The following GRM8 variants were observed in gnomAD, a reference collection of about 807,000 sequenced individuals.
GRM8 encodes the protein metabotropic glutamate receptor 8.
A neutral mutation model predicts 87.2 loss-of-function variants in GRM8; 47 were observed. The observed-to-expected ratio is 0.54, with a 90% CI of 0.43 to 0.69. The LOEUF (loss-of-function observed/expected upper bound fraction) is 0.69, where lower values mean the gene tolerates loss of function less well. Among genes scored for constraint, GRM8 ranks in the 30% least tolerant of loss-of-function variants. The probability of loss-of-function intolerance (pLI) is 0.00; values close to 1 mark genes in which losing one functional copy is unlikely to be tolerated. For synonymous variants in GRM8, 396 were observed against 404.5 expected, an observed-to-expected ratio of 0.98 and a Z score of 0.25; for missense variants, 1,019 against 1,139.2, an observed-to-expected ratio of 0.89 and a Z score of 1.52.
At chr7:126,808,775 T>C (rs1275063277) in intron 6 of GRM8, among the ~76,000 whole-genome samples, 1 of 152,180 alleles carries the variant, frequency 6.6e-6, no homozygotes, top group Non-Finnish European at 1.5e-5. Flanking sequence ...AGAAGAACTA[T>C]TTCTTGAGGT....
chr7:126,887,296 C>A (rs1022669793), intron 6 of GRM8, among the ~76,000 whole-genome samples: 5 of 152,048 alleles, frequency 3.3e-5, no homozygotes, highest in African/African-American at 1.2e-4. Flanking sequence ...CTCGAGGTGT[C>A]TTTGTAGTGA....
intron 7 of GRM8, among the ~76,000 whole-genome samples, chr7:126,720,328 T>C (rs964001442): frequency 6.6e-6 from 1 of 151,860 alleles, no homozygotes; most frequent in Admixed American, 6.6e-5. Context: ...TTTTTTTTTG[T>C]AGAGACAGGG....
intron 6 of GRM8, among the ~76,000 whole-genome samples, chr7:126,844,168 T>C (rs1397053422): frequency 6.6e-6 from 1 of 152,164 alleles, no homozygotes; most frequent in Non-Finnish European, 1.5e-5. Flanking sequence ...GCATTAAGCA[T>C]TTATAGAACA....
intron 7 of GRM8, among the ~76,000 whole-genome samples, chr7:126,704,358 G>A (rs1228066331): frequency 6.6e-6 from 1 of 152,012 alleles, no homozygotes; most frequent in Non-Finnish European, 1.5e-5. Flanking sequence ...TTCATAAATT[G>A]AGGAGGATGT....
chr7:126,799,460 C>T (rs1822393366), intron 6 of GRM8, among the ~76,000 whole-genome samples: 1 of 152,088 alleles, frequency 6.6e-6, no homozygotes, highest in African/African-American at 2.4e-5. Context: ...TTAAAATACA[C>T]TAACAATAAT....
chr7:127,097,470 A>G (rs1824776001), intron 3 of GRM8, among the ~76,000 whole-genome samples: 1 of 152,232 alleles, frequency 6.6e-6, no homozygotes, highest in South Asian at 2.1e-4. Context: ...TTAGCCACAT[A>G]TAGTTAAGAT....
intron 7 of GRM8, among the ~76,000 whole-genome samples, chr7:126,664,357 AGG>A (rs965990506): frequency 1.3e-5 from 2 of 152,120 alleles, no homozygotes; most frequent in Non-Finnish European, 2.9e-5. Flanking sequence ...GAACAAAGCC[AGG>A]GGCATTGCAT....
At chr7:126,627,616 A>AT in intron 7 of GRM8, among the ~76,000 whole-genome samples, 2 of 151,762 alleles carry the variant, frequency 1.3e-5, no homozygotes, top group African/African-American at 2.4e-5. Flanking sequence ...ACACCTTTGC[A>AT]TTTTTTTTAA....
chr7:126,585,040 A>G (rs1215639221), intron 8 of GRM8, among the ~76,000 whole-genome samples: 1 of 152,180 alleles, frequency 6.6e-6, no homozygotes, highest in Admixed American at 6.5e-5. Context: ...GAATTCTTAA[A>G]CACTGTGAAT....
rs189822460 is a variant in GRM8, at chr7:126,837,777, C to T, written c.1156+64765G>A. On this transcript the variant is annotated intron_variant, in intron 6 of 10. Coordinates refer to ENST00000339582, the MANE Select transcript of GRM8 (RefSeq NM_000845.3). ...CCTGGATATTTTAGGGATTTGACTC[C>T]TGTCAGGTATTGCAACAAAGTCAAG... is the stretch of plus-strand genomic sequence containing the variant. 5.9e-3 allele frequency among the ~76,000 whole-genome samples: 902 copies of T among 152,336 alleles called. 4 individuals carry two copies. Among genetic ancestry groups the T allele is most frequent in the Non-Finnish European group, 7.3e-3 (496 of 68,022 alleles).
intron 3 of GRM8, among the ~76,000 whole-genome samples, chr7:126,905,262 T>C (rs1006871059): frequency 6.6e-5 from 10 of 152,192 alleles, no homozygotes; most frequent in Non-Finnish European, 1.5e-5. Context: ...TGGATTGACA[T>C]ACATCGCCAC....
intron 2 of GRM8, among the ~76,000 whole-genome samples, chr7:127,183,227 A>C (rs1436989578): frequency 6.6e-6 from 1 of 151,894 alleles, no homozygotes; most frequent in African/African-American, 2.4e-5. Flanking sequence ...ACAAAGACAT[A>C]ATAATCCTTA....
At chr7:126,597,775 T>G (rs1240142921) in intron 8 of GRM8, among the ~76,000 whole-genome samples, 1 of 152,068 alleles carries the variant, frequency 6.6e-6, no homozygotes. Flanking sequence ...ACCACTATCT[T>G]TGAACTTTTT....
At chr7:126,697,429 C>T (rs931765449) in intron 7 of GRM8, among the ~76,000 whole-genome samples, 2 of 152,026 alleles carry the variant, frequency 1.3e-5, no homozygotes, top group African/African-American at 4.8e-5. Flanking sequence ...AAGGTAATTA[C>T]GTGACATGAT....
intron 7 of GRM8, among the ~76,000 whole-genome samples, chr7:126,666,317 T>C: frequency 6.6e-6 from 1 of 152,176 alleles, no homozygotes; most frequent in Admixed American, 6.5e-5. Context: ...GATATTGAGA[T>C]GACAGAGTCA....
rs111835382 is a variant in GRM8 at position 127,113,440 on chromosome 7, C to T, written c.511-6728G>A. ...AGAAGACAATTTAAGACCTGAATCACGTATATTTTCACCATGAAAAAGGGT... is the reference window on the plus strand; with the variant it reads ...AGAAGACAATTTAAGACCTGAATCATGTATATTTTCACCATGAAAAAGGGT... On this transcript the variant is annotated intron_variant, in intron 2 of 10. Transcript: ENST00000339582. Among the ~76,000 whole-genome samples the T allele has an allele frequency of 8.6e-4, 131 of 152,138 alleles. 1 individual carries two copies. The highest frequency in any genetic ancestry group is 2.8e-3 in the African/African-American group (118 of 41,526).
chr7:126,628,560 C>T (rs1275882789), intron 7 of GRM8, among the ~76,000 whole-genome samples: 4 of 151,886 alleles, frequency 2.6e-5, no homozygotes, highest in Non-Finnish European at 4.4e-5. Context: ...TAAATCTCAG[C>T]AATATATTAA....
rs868724090 is a variant in GRM8, at chr7:126,673,113, G to A, written c.1358-63615C>T. ...CCCTTTGCAAGCAGGGAGGAGCTGC[G>A]GTCCTCCTCTTCCTATGTGGAACCT... On this transcript the variant is annotated intron_variant, in intron 7 of 10. Transcript: ENST00000339582. Among the ~76,000 whole-genome samples the A allele has an allele frequency of 3.3e-5, 5 of 152,096 alleles. No homozygotes were observed. The East Asian group carries it at 5.8e-4, about 18-fold the overall frequency.
chr7:126,821,444 C>T (rs1032267518), intron 6 of GRM8, among the ~76,000 whole-genome samples: 1 of 152,178 alleles, frequency 6.6e-6, no homozygotes, highest in African/African-American at 2.4e-5. Context: ...AGTGGAATAA[C>T]AACAACATTC....
Sources: allele counts gnomAD v4.1 joint callset (sites outside exome capture counted in the v4.1 genomes callset), GRCh38; gene constraint gnomAD v4.1.1; transcripts MANE v1.5; gene names NCBI Gene and HGNC (gene_info 2026-07-23, HGNC 2026-07-21).